SAMD12: variants seen among roughly 807,000 people sequenced by gnomAD.
The protein encoded by SAMD12 is sterile alpha motif domain-containing protein 12.
A neutral mutation model predicts 15.0 loss-of-function variants in SAMD12; 9 were observed. The observed-to-expected ratio is 0.60, with a 90% CI of 0.36 to 1.05. The LOEUF (loss-of-function observed/expected upper bound fraction) is 1.05. Ranked by LOEUF, SAMD12 falls within the 50% of genes least tolerant of loss-of-function variation. SAMD12 has a pLI of 0.01. For missense variants in SAMD12, 230 were observed against 234.2 expected (o/e 0.98, Z 0.12); for synonymous variants, 86 against 90.1 (o/e 0.96, Z 0.25).
intron 4 of SAMD12, among the ~76,000 whole-genome samples, chr8:118,339,783 GCAGGTGGTTTGCAGC>G (rs1817260442): frequency 6.6e-6 from 1 of 152,238 alleles, no homozygotes; most frequent in African/African-American, 2.4e-5. Flanking sequence ...TCTCTTCAGA[GCAGGTGGTTTGCAGC>G]CCCTTGCCCC....
At chr8:118,201,586 T>A (rs1337809665) in intron 4 of SAMD12, among the ~76,000 whole-genome samples, 1 of 152,236 alleles carries the variant, frequency 6.6e-6, no homozygotes, top group Admixed American at 6.5e-5. Flanking sequence ...ATACAGAAAG[T>A]GCTTATTAAA....
chr8:118,175,264 T>C, the SAMD12 span, among the ~76,000 whole-genome samples: 1 of 152,160 alleles, frequency 6.6e-6, no homozygotes, highest in South Asian at 2.1e-4. Flanking sequence ...TAATAAATGG[T>C]GCTGGCATAA....
At chr8:118,156,133 G>T in the SAMD12 span, among the ~76,000 whole-genome samples, 2 of 152,194 alleles carry the variant, frequency 1.3e-5, no homozygotes, top group African/African-American at 4.8e-5. Context: ...ATTAGCTGGG[G>T]AATCTGCTGT....
intron 4 of SAMD12, among the ~76,000 whole-genome samples, chr8:118,366,827 A>G (rs1818800010): frequency 2.2e-5 from 2 of 89,412 alleles, no homozygotes; most frequent in East Asian, 2.7e-4. Flanking sequence ...AAAATAAAAT[A>G]AAATAAAATA....
chr8:118,176,129 A>G, the SAMD12 span, among the ~76,000 whole-genome samples: 1 of 152,062 alleles, frequency 6.6e-6, no homozygotes, highest in African/African-American at 2.4e-5. Flanking sequence ...GTGAAACCCC[A>G]TCTCTACTAA....
intron 2 of SAMD12, among the ~76,000 whole-genome samples, chr8:118,471,558 G>A (rs999577216): frequency 6.6e-6 from 1 of 152,116 alleles, no homozygotes; most frequent in African/African-American, 2.4e-5. Context: ...AAATCCCTTT[G>A]CAAAGCCAAA....
At chr8:118,255,180 A>G (rs1812907103) in intron 4 of SAMD12, among the ~76,000 whole-genome samples, 1 of 151,962 alleles carries the variant, frequency 6.6e-6, no homozygotes. Context: ...CTGAATCTAA[A>G]AAGAGCCAGG....
intron 4 of SAMD12, among the ~76,000 whole-genome samples, chr8:118,251,339 T>G (rs181619561): frequency 1.1e-3 from 168 of 152,214 alleles, no homozygotes; most frequent in African/African-American, 3.8e-3. Flanking sequence ...GCATCTCAAA[T>G]GATAGCAGAA....
intron 4 of SAMD12, among the ~76,000 whole-genome samples, chr8:118,213,282 G>C (rs1586349099): frequency 6.6e-6 from 1 of 152,140 alleles, no homozygotes. Flanking sequence ...GCATATGACA[G>C]AAATTTCTTT....
At chr8:118,225,484 T>G (rs1356524361) in intron 4 of SAMD12, among the ~76,000 whole-genome samples, 11 of 152,002 alleles carry the variant, frequency 7.2e-5, no homozygotes, top group Non-Finnish European at 1.6e-4. Flanking sequence ...GATCTGGGAG[T>G]GATCTGCAAG....
chr8:118,306,542 AACAAGG>A (rs1368009700), intron 4 of SAMD12, among the ~76,000 whole-genome samples: 2 of 152,164 alleles, frequency 1.3e-5, no homozygotes, highest in Admixed American at 1.3e-4. Context: ...GGAACATGAG[AACAAGG>A]ACTTCATTCT....
At chr8:118,203,738 C>G (rs566533171) in intron 4 of SAMD12, among the ~76,000 whole-genome samples, 1 of 129,364 alleles carries the variant, frequency 7.7e-6, no homozygotes, top group East Asian at 2.8e-4. Context: ...CCCCTCCCCC[C>G]ACCCCACGAC....
At chr8:118,283,134 A>AT (rs906286562) in intron 4 of SAMD12, among the ~76,000 whole-genome samples, 60 of 150,652 alleles carry the variant, frequency 4.0e-4, no homozygotes, top group African/African-American at 1.4e-3. Flanking sequence ...TATTTTTTTA[A>AT]TTTTTTTTAT....
chr8:118,186,357 C>A (rs775953693), downstream of SAMD12, among the ~76,000 whole-genome samples: 2 of 152,140 alleles, frequency 1.3e-5, no homozygotes, highest in Non-Finnish European at 2.9e-5. Context: ...TCTCTAAAGT[C>A]AGGAAAAATA....
chr8:118,300,255 A>G (rs1814946599), intron 4 of SAMD12, among the ~76,000 whole-genome samples: 1 of 152,188 alleles, frequency 6.6e-6, no homozygotes, highest in African/African-American at 2.4e-5. Flanking sequence ...ACTAGAACTT[A>G]TTCATCCTAT....
At chr8:118,400,780 C>T (rs1477852339) in intron 3 of SAMD12, among the ~76,000 whole-genome samples, 2 of 152,132 alleles carry the variant, frequency 1.3e-5, no homozygotes, top group East Asian at 1.9e-4. Flanking sequence ...CACATACCCT[C>T]ACACGCCAGG....
chr8:118,183,039 G>A, the SAMD12 span, among the ~76,000 whole-genome samples: 2 of 152,174 alleles, frequency 1.3e-5, no homozygotes, highest in Non-Finnish European at 1.5e-5. Flanking sequence ...ATACAAAAAT[G>A]CAGAATGAGG....
intron 2 of SAMD12, among the ~76,000 whole-genome samples, chr8:118,564,921 G>C (rs1443365573): frequency 6.6e-6 from 1 of 152,170 alleles, no homozygotes; most frequent in Non-Finnish European, 1.5e-5. Context: ...TCCCCAAAGA[G>C]AAAAAGGAAG....
At chr8:118,438,644 C>T (rs1822645802) in intron 3 of SAMD12, among the ~76,000 whole-genome samples, 1 of 152,114 alleles carries the variant, frequency 6.6e-6, no homozygotes, top group Non-Finnish European at 1.5e-5. Context: ...CTCACAGCTA[C>T]AGCCTAAGAG....
Sources: gnomAD v4.1 joint callset for allele counts (sites outside exome capture counted in the v4.1 genomes callset) on GRCh38, gnomAD v4.1.1 for gene constraint, MANE v1.5 for transcripts, NCBI Gene and HGNC (gene_info 2026-07-23, HGNC 2026-07-21) for gene names.